SETD3: variants seen among roughly 807,000 people sequenced by gnomAD.
The protein encoded by SETD3 is actin-histidine N-methyltransferase.
A neutral mutation model predicts 63.0 loss-of-function variants in SETD3; 19 were observed. That is an observed-to-expected ratio of 0.30 (90% confidence interval 0.21 to 0.44). The LOEUF (loss-of-function observed/expected upper bound fraction) is 0.44. Ranked by LOEUF, SETD3 falls within the 20% of genes least tolerant of loss-of-function variation. The probability of loss-of-function intolerance (pLI) is 1.00; values close to 1 mark genes in which losing one functional copy is unlikely to be tolerated. For synonymous variants in SETD3, 286 were observed against 264.1 expected (o/e 1.08, Z -0.80); for missense variants, 587 against 728.5 (o/e 0.81, Z 2.24).
At chr14:99,418,401 A>T (rs1470728682) in intron 6 of SETD3, among the ~76,000 whole-genome samples, 1 of 152,190 alleles carries the variant, frequency 6.6e-6, no homozygotes, top group African/African-American at 2.4e-5. Context: ...AGCCAGGAAC[A>T]GACACACCTA....
At chr14:99,471,777 A>G (rs886599825) in intron 1 of SETD3, among the ~76,000 whole-genome samples, 5 of 152,232 alleles carry the variant, frequency 3.3e-5, no homozygotes, top group African/African-American at 1.2e-4. Flanking sequence ...GGTCTTTAGA[A>G]AGCAATAAAG....
chr14:99,483,512 T>C (rs532731227), upstream of SETD3, among the ~76,000 whole-genome samples: 4 of 152,366 alleles, frequency 2.6e-5, no homozygotes, highest in African/African-American at 9.6e-5. Context: ...ATCGGGTGAC[T>C]GCGCTCCAGC....
At chr14:99,464,881 G>C (rs546050939) in intron 2 of SETD3, among the ~76,000 whole-genome samples, 1 of 152,168 alleles carries the variant, frequency 6.6e-6, no homozygotes, top group Admixed American at 6.5e-5. Context: ...AGTGGCTCAC[G>C]CCTATAATCC....
chr14:99,447,121 G>A (rs375528778), intron 6 of SETD3, among the ~76,000 whole-genome samples: 2 of 152,058 alleles, frequency 1.3e-5, no homozygotes, highest in Admixed American at 6.5e-5. Context: ...ACAGGCGCAC[G>A]CCACCACGCC....
Position 99,458,532 on chromosome 14 carries a change from G to C in SETD3, c.422C>G (p.Pro141Arg). ...VESAKNSVLGPLYSQDRILQA... is the reference protein window; with the variant it reads ...VESAKNSVLGRLYSQDRILQA... ...AAGGATTCGGTCTTGAGAATATAAGGGCCCTGAATTAACCCAGAAGTTAAC... is the reference window on the plus strand; with the variant it reads ...AAGGATTCGGTCTTGAGAATATAAGCGCCCTGAATTAACCCAGAAGTTAAC... Residue 141 changes from proline to arginine, a missense_variant, in exon 6 of 13, where the codon CCC becomes CGC. Physicochemically the swap from Pro to Arg is moderately radical, Grantham distance 103. Coordinates refer to ENST00000331768, the MANE Select transcript of SETD3 (RefSeq NM_032233.3). 1.9e-6 allele frequency: 3 copies of C among 1,612,914 alleles called. No homozygotes were observed. The highest frequency in any genetic ancestry group is 2.5e-6 in the Non-Finnish European group (3 of 1,179,414).
intron 1 of SETD3, among the ~76,000 whole-genome samples, chr14:99,476,406 G>T (rs777371714): frequency 6.6e-6 from 1 of 152,168 alleles, no homozygotes; most frequent in Admixed American, 6.5e-5. Context: ...TATTTTGCTG[G>T]CTTTGTCCAA....
At chr14:99,408,420 G>C (rs1457498867) in intron 8 of SETD3, among the ~76,000 whole-genome samples, 1 of 152,054 alleles carries the variant, frequency 6.6e-6, no homozygotes, top group Non-Finnish European at 1.5e-5. Flanking sequence ...ACATCACCTT[G>C]ACAACAAAGT....
intron 12 of SETD3, among the ~76,000 whole-genome samples, 169 bp from the exon 13 acceptor site, chr14:99,399,294 G>A (rs1243050673): frequency 6.6e-5 from 10 of 152,136 alleles, no homozygotes; most frequent in Admixed American, 5.2e-4. Context: ...ACATCAAAAC[G>A]TACGCTTCAG....
In SETD3 at chr14:99,434,598, A is replaced by G. The variant is rs376340011; in HGVS notation, c.676-20664T>C. Among the ~76,000 whole-genome samples, 9 of 152,312 alleles carry G rather than the reference A, an allele frequency of 5.9e-5. No individual in the cohort carries two copies. The East Asian group carries it at 7.7e-4, about 13-fold the overall frequency. The stretch of plus-strand genomic sequence containing the variant: ...TGTGGTGGCTCATGCCTGTAATCCC[A>G]GCACTTTGGGATGCCAAGGTGGGCA... On this transcript the variant is annotated intron_variant, in intron 6 of 12. Coordinates refer to ENST00000331768, the MANE Select transcript of SETD3 (RefSeq NM_032233.3).
intron 6 of SETD3, among the ~76,000 whole-genome samples, chr14:99,432,628 CATCACATCTA>C (rs1566704357): frequency 6.6e-6 from 1 of 152,206 alleles, no homozygotes; most frequent in Non-Finnish European, 1.5e-5. Flanking sequence ...AAATTCTTCT[CATCACATCTA>C]CAAGGATTAA....
chr14:99,458,906 G>A (rs944912521), intron 5 of SETD3, among the ~76,000 whole-genome samples: 12 of 151,790 alleles, frequency 7.9e-5, no homozygotes, highest in South Asian at 2.1e-4. Context: ...GTGACAAAGC[G>A]AGACCCTATC....
chr14:99,421,579 A>G (rs1258664818), intron 6 of SETD3, among the ~76,000 whole-genome samples: 1 of 152,138 alleles, frequency 6.6e-6, no homozygotes, highest in Non-Finnish European at 1.5e-5. Context: ...GTATATAAGA[A>G]AGCTCTCTGT....
intron 4 of SETD3, among the ~76,000 whole-genome samples, chr14:99,459,529 T>G (rs1394474734): frequency 1.3e-5 from 2 of 152,202 alleles, no homozygotes. Flanking sequence ...ACTTTTAAGT[T>G]CTAAAACCAG....
chr14:99,408,585 A>G (rs1566875107), intron 8 of SETD3, among the ~76,000 whole-genome samples: 9 of 152,102 alleles, frequency 5.9e-5, no homozygotes, highest in Admixed American at 5.9e-4. Context: ...TGGAGAAAGG[A>G]TTATGGGTGT....
chr14:99,473,884 G>A (rs1362629166), intron 1 of SETD3, among the ~76,000 whole-genome samples: 1 of 152,174 alleles, frequency 6.6e-6, no homozygotes, highest in Non-Finnish European at 1.5e-5. Flanking sequence ...AAGTGCCATG[G>A]TACCGTGTTA....
intron 3 of SETD3, among the ~76,000 whole-genome samples, chr14:99,462,962 G>A (rs934209701): frequency 3.9e-5 from 6 of 152,278 alleles, no homozygotes; most frequent in African/African-American, 1.4e-4. Context: ...TAGTGAATGA[G>A]CTTTTTCAAA....
chr14:99,468,962 A>C (rs1222523270), intron 1 of SETD3, among the ~76,000 whole-genome samples: 2 of 152,196 alleles, frequency 1.3e-5, no homozygotes, highest in Non-Finnish European at 2.9e-5. Flanking sequence ...CACAGGTCTT[A>C]GGTCAGGTTA....
At chr14:99,419,266 T>C (rs1200461459) in intron 6 of SETD3, among the ~76,000 whole-genome samples, 1 of 152,236 alleles carries the variant, frequency 6.6e-6, no homozygotes, top group African/African-American at 2.4e-5. Flanking sequence ...CTTTCGCTTA[T>C]ATATAATTTT....
chr14:99,483,546 T>A (rs78620458), upstream of SETD3, among the ~76,000 whole-genome samples: 5,633 of 152,256 alleles, frequency 0.037, 336 homozygotes, highest in African/African-American at 0.13. Flanking sequence ...CAAGACCCTG[T>A]CTCAAGAAAA....
Sources: gnomAD v4.1 joint callset for allele counts (sites outside exome capture counted in the v4.1 genomes callset) on GRCh38, gnomAD v4.1.1 for gene constraint, MANE v1.5 for transcripts, NCBI Gene and HGNC (gene_info 2026-07-23, HGNC 2026-07-21) for gene names.